VIPAS39: variants seen among roughly 807,000 people sequenced by gnomAD.
The protein encoded by VIPAS39 is spermatogenesis-defective protein 39 homolog.
In VIPAS39, 63 loss-of-function variants were observed where a neutral mutation model predicts 84.7. The ratio of observed to expected loss-of-function variants is 0.74; its 90% CI spans 0.61 to 0.92. The LOEUF (loss-of-function observed/expected upper bound fraction) is 0.92. Among genes scored for constraint, VIPAS39 ranks in the 40% least tolerant of loss-of-function variants. The probability of loss-of-function intolerance (pLI) is 0.00; values close to 1 mark genes in which losing one functional copy is unlikely to be tolerated. For synonymous variants in VIPAS39, 192 were observed against 216.5 expected (o/e 0.89, Z 0.99); for missense variants, 499 against 604.5 (o/e 0.83, Z 1.83).
chr14:77,443,153 C>G lies in VIPAS39; in HGVS notation c.598-1G>C. On this transcript the variant is annotated splice_acceptor_variant, in intron 8 of 19. Coordinates refer to ENST00000557658, the MANE Select transcript of VIPAS39 (RefSeq NM_001193315.2). LOFTEE classifies it high-confidence loss of function. ...GTGTCCTCTTCAGGAAAATCAGAACCTACAGGAAAAAAGAACAAAGACTGT... is the reference window on the plus strand; with the variant it reads ...GTGTCCTCTTCAGGAAAATCAGAACGTACAGGAAAAAAGAACAAAGACTGT... 6.2e-7 allele frequency: 1 copy of G among 1,614,160 alleles called. No individual in the cohort carries two copies.
intron 8 of VIPAS39, 151 bp from the exon 9 acceptor site, chr14:77,443,303 G>T: frequency 2.2e-6 from 2 of 890,742 alleles, no homozygotes; most frequent in Non-Finnish European, 3.6e-6. Context: ...ATGGCTATCT[G>T]GAACTGAGCT....
At chr14:77,429,125 T>C in intron 17 of VIPAS39, 30 bp from the exon 18 acceptor site, 2 of 1,592,316 alleles carry the variant, frequency 1.3e-6, no homozygotes. Context: ...CGATTAATGA[T>C]TCAAACACCC....
At chr14:77,435,055 T>A in intron 14 of VIPAS39, 1 of 679,972 alleles carries the variant, frequency 1.5e-6, no homozygotes, top group Non-Finnish European at 2.5e-6. Flanking sequence ...GCCAGCTCAC[T>A]TGAAGCTACA....
chr14:77,433,933 T>C lies in VIPAS39; in HGVS notation c.1090-2A>G. On this transcript the variant is annotated splice_acceptor_variant, in intron 15 of 19. Transcript: ENST00000557658. LOFTEE classifies it high-confidence loss of function. The stretch of plus-strand genomic sequence containing the variant: ...CAGCACATACTGTTTATCTGGGATC[T>C]GGAAAGCAGAGACCGAGAAAAATTA... 6.2e-7 allele frequency: 1 copy of C among 1,613,902 alleles called. No homozygotes were observed. The highest frequency in any genetic ancestry group is 8.5e-7 in the Non-Finnish European group (1 of 1,179,898).
intron 1 of VIPAS39, chr14:77,457,269 G>A: frequency 6.5e-7 from 1 of 1,535,472 alleles, no homozygotes; most frequent in Non-Finnish European, 8.7e-7. Flanking sequence ...AGAGTTAAAT[G>A]CTCGTTCTGA....
At chr14:77,430,805 A>C (rs2078510620) in intron 16 of VIPAS39, among the ~76,000 whole-genome samples, 1 of 152,142 alleles carries the variant, frequency 6.6e-6, no homozygotes, top group Non-Finnish European at 1.5e-5. Flanking sequence ...TACATATATT[A>C]ATCAAAACAG....
chr14:77,447,188 G>T (rs2078804845), intron 7 of VIPAS39, among the ~76,000 whole-genome samples: 1 of 151,752 alleles, frequency 6.6e-6, no homozygotes, highest in Admixed American at 6.6e-5. Context: ...ACCACGCCCA[G>T]CTAATTTTGT....
chr14:77,433,669 T>C (rs1261369997), intron 16 of VIPAS39, among the ~76,000 whole-genome samples, 173 bp downstream of exon 16: 1 of 152,224 alleles, frequency 6.6e-6, no homozygotes, highest in African/African-American at 2.4e-5. Flanking sequence ...TATTATAGTA[T>C]ATATTTGATT....
chr14:77,445,845 CAGG>C (rs2078779231), intron 7 of VIPAS39, among the ~76,000 whole-genome samples: 1 of 150,656 alleles, frequency 6.6e-6, no homozygotes, highest in Non-Finnish European at 1.5e-5. Flanking sequence ...GAGGCTGAAG[CAGG>C]AGAATCACTT....
chr14:77,428,956 G>C (rs1036443665), intron 18 of VIPAS39, 50 bp downstream of exon 18: 6 of 1,505,324 alleles, frequency 4.0e-6, no homozygotes, highest in Non-Finnish European at 5.5e-6. Flanking sequence ...TCCCCACCCT[G>C]CTTCGCCACT....
intron 8 of VIPAS39, among the ~76,000 whole-genome samples, chr14:77,443,930 A>G (rs1034015399): frequency 1.4e-4 from 21 of 150,764 alleles, no homozygotes; most frequent in African/African-American, 4.4e-4. Flanking sequence ...GGTCCCAGCT[A>G]CTCGGGGACC....
intron 11 of VIPAS39, among the ~76,000 whole-genome samples, chr14:77,439,821 T>C (rs1266826667): frequency 6.6e-6 from 1 of 152,156 alleles, no homozygotes; most frequent in Non-Finnish European, 1.5e-5. Context: ...ATAATTATGC[T>C]GTTCAAAGGT....
intron 1 of VIPAS39, among the ~76,000 whole-genome samples, chr14:77,454,702 G>A (rs534343775): frequency 1.6e-4 from 24 of 148,590 alleles, no homozygotes; most frequent in Non-Finnish European, 3.1e-4. Flanking sequence ...AGTGTCAGAC[G>A]TGGGGACCCT....
chr14:77,451,049 A>G (rs2078872944), intron 4 of VIPAS39, 138 bp downstream of exon 4: 2 of 1,281,984 alleles, frequency 1.6e-6, no homozygotes, highest in Admixed American at 3.6e-5. Flanking sequence ...TCTCGCTCCT[A>G]ACACCCAGCT....
chr14:77,438,007 A>T, intron 11 of VIPAS39, 126 bp from the exon 12 acceptor site: 1 of 908,532 alleles, frequency 1.1e-6, no homozygotes, highest in Non-Finnish European at 1.8e-6. Context: ...TGGTTATTGG[A>T]GGCGGGTGGG....
At chr14:77,449,399 T>C (rs773841727) in intron 5 of VIPAS39, 42 bp from the exon 6 acceptor site, 4 of 1,608,136 alleles carry the variant, frequency 2.5e-6, no homozygotes, top group South Asian at 2.2e-5. Flanking sequence ...GCACCATGAA[T>C]CCTGCTTGTC....
chr14:77,443,872 CAAA>C (rs11341918), intron 8 of VIPAS39, among the ~76,000 whole-genome samples: 9 of 102,358 alleles, frequency 8.8e-5, no homozygotes, highest in Non-Finnish European at 6.2e-5. Flanking sequence ...GACTCCATCT[CAAA>C]AAAAAAAAAA....
intron 1 of VIPAS39, 116 bp from the exon 2 acceptor site, chr14:77,454,218 ATC>A (rs2139901455): frequency 1.1e-6 from 1 of 921,602 alleles, no homozygotes; most frequent in East Asian, 2.6e-5. Context: ...GCAGAAAAGA[ATC>A]TGGTAAAACA....
Position 77,444,304 on chromosome 14 carries a change from T to C in VIPAS39, c.542A>G (p.Lys181Arg). ...SLERFRSLQD[K>R]LQLLEEAVSM... ...TACTGCCTCTTCTAGGAGTTGTAGTTTGTCCTGTAAGGAGCGGAATCTCTC... is the reference window on the plus strand; with the variant it reads ...TACTGCCTCTTCTAGGAGTTGTAGTCTGTCCTGTAAGGAGCGGAATCTCTC... The change falls in exon 8 of 20, where the codon AAA becomes AGA. Residue 181 changes from lysine (K) to arginine (R), a missense_variant. Lys to Arg is a conservative substitution (Grantham distance 26). Transcript: ENST00000557658. The C allele has an allele frequency of 6.2e-7, 1 of 1,613,890 alleles. No homozygotes were observed. Among genetic ancestry groups the C allele is most frequent in the South Asian group, 1.1e-5 (1 of 91,074 alleles).
Sources: gnomAD v4.1 joint callset for allele counts (sites outside exome capture counted in the v4.1 genomes callset) on GRCh38, gnomAD v4.1.1 for gene constraint, MANE v1.5 for transcripts, NCBI Gene and HGNC (gene_info 2026-07-23, HGNC 2026-07-21) for gene names.